Variants in ATR observed in about 807,000 individuals in gnomAD.
ATR encodes serine/threonine-protein kinase ATR.
Under a neutral mutation model 305.3 loss-of-function variants are expected in ATR, and 142 were observed. The observed-to-expected ratio is 0.47, with a 90% CI of 0.41 to 0.53. The LOEUF is 0.53. ATR is among the 20% of genes least tolerant of loss of function. ATR has a pLI of 0.00. For synonymous variants in ATR, 1,050 were observed against 1,068.1 expected, an observed-to-expected ratio of 0.98 and a Z score of 0.33; for missense variants, 2,135 against 3,133.1, an observed-to-expected ratio of 0.68 and a Z score of 7.60.
chr3:142,567,222 T>A (rs112400324), intron 2 of ATR, among the ~76,000 whole-genome samples: 27 of 152,020 alleles, frequency 1.8e-4, no homozygotes, highest in African/African-American at 6.5e-4. Flanking sequence ...ATAATTATAA[T>A]ACAATATGGT....
At chr3:142,553,515 T>C in intron 12 of ATR, 117 bp from the exon 13 acceptor site, 1 of 1,452,404 alleles carries the variant, frequency 6.9e-7, no homozygotes. Flanking sequence ...TACAAATAAA[T>C]TCATGTTGAC....
In ATR at chr3:142,553,757, A is replaced by C; in HGVS notation, c.2533-17T>G. The C allele has an allele frequency of 6.2e-7, 1 of 1,610,136 alleles. No individual in the cohort carries two copies. Among genetic ancestry groups the C allele is most frequent in the Non-Finnish European group, 8.5e-7 (1 of 1,176,540 alleles). ...GACAAAAAGCTAGAACAATAAAATT[A>C]ACTGGTTAAAGAAATTTTTAGAGCT... On this transcript the variant is annotated splice_polypyrimidine_tract_variant and intron_variant, in intron 11 of 46. Coordinates refer to ENST00000350721, the MANE Select transcript of ATR (RefSeq NM_001184.4).
intron 39 of ATR, among the ~76,000 whole-genome samples, 188 bp downstream of exon 39, chr3:142,467,746 T>G (rs954716582): frequency 2.0e-5 from 3 of 152,128 alleles, no homozygotes; most frequent in African/African-American, 7.2e-5. Flanking sequence ...TATTTGGAAG[T>G]AAGATGTATT....
At chr3:142,466,575 A>T in intron 39 of ATR, 42 bp from the exon 40 acceptor site, 1 of 1,540,470 alleles carries the variant, frequency 6.5e-7, no homozygotes, top group Non-Finnish European at 8.9e-7. Context: ...TTTTACCTTA[A>T]ATTCCACTAT....
chr3:142,544,275 T>C lies in ATR; in HGVS notation c.3358-1518A>G, dbSNP rs559754529. On this transcript the variant is annotated intron_variant, in intron 16 of 46. Coordinates refer to ENST00000350721, the MANE Select transcript of ATR (RefSeq NM_001184.4). ...AAGTTTGAGACCAGCCTGGGTAACA[T>C]GGCAAAACCCCATCTCTACAAAAAA... Among the ~76,000 whole-genome samples the C allele has an allele frequency of 3.3e-5, 5 of 151,192 alleles. No individual in the cohort carries two copies. In the South Asian group the frequency reaches 8.4e-4, roughly 25 times the overall value.
At chr3:142,451,553 T>C in intron 46 of ATR, 1 of 1,340,466 alleles carries the variant, frequency 7.5e-7, no homozygotes. Flanking sequence ...GAGTGGGCAC[T>C]TGTCTGTATG....
chr3:142,496,371 A>C lies in ATR; in HGVS notation c.5888T>G (p.Leu1963Arg), dbSNP rs1175327942. ...AELYVERAKW[L>R]WSKGDVHQAL... ...TTCCCTGGCCATTACCTTGGACCAG[A>C]GCCACTTTGCCCTTTCCACGTACAG... is the stretch of plus-strand genomic sequence containing the variant. Residue 1963 changes from leucine (L) to arginine (R), a missense_variant, in exon 34 of 47, where the codon CTC becomes CGC. This residue lies in a region of ATR where 462 missense variants were observed against 887.6 expected (regional missense o/e 0.52). Coordinates refer to ENST00000350721, the MANE Select transcript of ATR (RefSeq NM_001184.4). 6.4e-7 allele frequency: 1 copy of C among 1,562,534 alleles called. No individual in the cohort carries two copies.
chr3:142,455,294 T>A (rs2070880259), intron 45 of ATR, among the ~76,000 whole-genome samples: 1 of 152,186 alleles, frequency 6.6e-6, no homozygotes, highest in African/African-American at 2.4e-5. Flanking sequence ...CATTCTATGT[T>A]CATCGATCAG....
Position 142,568,072 on chromosome 3 carries a change from C to T in ATR, c.142G>A (p.Val48Ile). 3 of 1,606,420 alleles carry T rather than the reference C, an allele frequency of 1.9e-6. No homozygotes were observed. In the South Asian group the frequency reaches 3.3e-5, roughly 18 times the overall value. The part of the protein sequence containing the change: ...CQFIDRILTD[V>I]NVVAVELVKK... Reference sequence around the variant, plus strand: ...ATAATTGGTTTCTTACCAACATTTACATCTGTAAGTATCCGGTCAATGAAT... The same window carrying T: ...ATAATTGGTTTCTTACCAACATTTATATCTGTAAGTATCCGGTCAATGAAT... Residue 48 changes from valine to isoleucine, a missense_variant, in exon 2 of 47, where the codon GTA (valine) becomes ATA (isoleucine). Val to Ile is a conservative substitution (Grantham distance 29). Coordinates refer to ENST00000350721, the MANE Select transcript of ATR (RefSeq NM_001184.4).
intron 3 of ATR, among the ~76,000 whole-genome samples, chr3:142,565,085 C>A (rs9829403): frequency 0.06 from 9,157 of 152,092 alleles, 877 homozygotes; most frequent in African/African-American, 0.2. Flanking sequence ...GTTTTAAATG[C>A]TGATAATTGC....
intron 30 of ATR, among the ~76,000 whole-genome samples, chr3:142,502,470 G>C (rs555135235): frequency 6.6e-6 from 1 of 151,956 alleles, no homozygotes; most frequent in Admixed American, 6.6e-5. Flanking sequence ...TACAAGGGGT[G>C]GGGGAGGGAG....
chr3:142,533,612 T>C (rs1389814150), intron 21 of ATR, among the ~76,000 whole-genome samples: 1 of 152,172 alleles, frequency 6.6e-6, no homozygotes, highest in African/African-American at 2.4e-5. Flanking sequence ...TGTTTCTGGA[T>C]CTTTATTCTT....
intron 36 of ATR, among the ~76,000 whole-genome samples, chr3:142,475,778 A>G (rs912963416): frequency 2.0e-5 from 3 of 152,118 alleles, no homozygotes; most frequent in Non-Finnish European, 4.4e-5. Context: ...TGACTTTTTA[A>G]TGATCGCCAT....
At chr3:142,526,020 CTATTACCCTTTTGTG>C (rs2033374440) in intron 21 of ATR, among the ~76,000 whole-genome samples, 1 of 152,118 alleles carries the variant, frequency 6.6e-6, no homozygotes, top group African/African-American at 2.4e-5. Flanking sequence ...TTAGTTAAAT[CTATTACCCTTTTGTG>C]TCTTTCAGAA....
At chr3:142,483,420 C>T (rs1393417228) in intron 36 of ATR, among the ~76,000 whole-genome samples, 1 of 152,082 alleles carries the variant, frequency 6.6e-6, no homozygotes, top group East Asian at 1.9e-4. Context: ...AGTTATATTT[C>T]ACCTATTAAC....
intron 39 of ATR, among the ~76,000 whole-genome samples, chr3:142,467,501 C>T (rs2071157947): frequency 6.6e-6 from 1 of 152,128 alleles, no homozygotes; most frequent in African/African-American, 2.4e-5. Context: ...GAATGAAAAG[C>T]AAAACCCCAA....
At chr3:142,511,261 G>C (rs2032545596) in intron 27 of ATR, among the ~76,000 whole-genome samples, 1 of 151,950 alleles carries the variant, frequency 6.6e-6, no homozygotes, top group Admixed American at 6.6e-5. Flanking sequence ...GGGAGGATTA[G>C]GTTAATAACA....
chr3:142,569,060 T>C (rs1372901889), intron 1 of ATR, among the ~76,000 whole-genome samples: 1 of 152,136 alleles, frequency 6.6e-6, no homozygotes, highest in Non-Finnish European at 1.5e-5. Flanking sequence ...GCTTGAAGCC[T>C]GGAAGCCTGG....
chr3:142,481,841 G>A (rs2030514784), intron 36 of ATR, among the ~76,000 whole-genome samples: 1 of 148,466 alleles, frequency 6.7e-6, no homozygotes, highest in Non-Finnish European at 1.5e-5. Context: ...TTTTTTTTTT[G>A]AGATAGAGTC....
Sources: gnomAD v4.1 joint callset for allele counts (sites outside exome capture counted in the v4.1 genomes callset) on GRCh38, gnomAD v4.1.1 for gene constraint, gnomAD v4.1.1 regional missense constraint, MANE v1.5 for transcripts, NCBI Gene and HGNC (gene_info 2026-07-23, HGNC 2026-07-21) for gene names.